The following COL21A1 variants were observed in gnomAD, a reference collection of about 807,000 sequenced individuals.
COL21A1 encodes the protein collagen alpha-1(XXI) chain.
A neutral mutation model predicts 137.9 loss-of-function variants in COL21A1; 149 were observed. That is an observed-to-expected ratio of 1.08 (90% CI 0.95 to 1.24). COL21A1 has a LOEUF of 1.24. COL21A1 is among the 50% of genes most tolerant of loss of function. COL21A1 has a pLI of 0.00. For synonymous variants in COL21A1, 456 were observed against 391.5 expected (o/e 1.16, Z -1.95); for missense variants, 1,167 against 1,158.4 (o/e 1.01, Z -0.11).
chr6:56,343,529 ATGAC>A, intron 1 of COL21A1, among the ~76,000 whole-genome samples: 2 of 152,340 alleles, frequency 1.3e-5, no homozygotes, highest in South Asian at 4.1e-4. Context: ...TGCTGGGTGA[ATGAC>A]TATCTGTTTT....
intron 16 of COL21A1, among the ~76,000 whole-genome samples, chr6:56,115,558 A>G (rs941503213): frequency 2.0e-5 from 3 of 152,134 alleles, no homozygotes; most frequent in Non-Finnish European, 2.9e-5. Context: ...GATGACTACA[A>G]ATAAGCCCAG....
At chr6:56,185,726 C>T (rs571006697) in intron 1 of COL21A1, among the ~76,000 whole-genome samples, 3 of 152,140 alleles carry the variant, frequency 2.0e-5, no homozygotes, top group African/African-American at 7.2e-5. Flanking sequence ...TGAGCCACCG[C>T]GCCCGGCCTG....
At chr6:56,185,023 T>C (rs1049857869) in intron 1 of COL21A1, among the ~76,000 whole-genome samples, 1 of 152,062 alleles carries the variant, frequency 6.6e-6, no homozygotes, top group Admixed American at 6.5e-5. Context: ...AGTTTTTAAA[T>C]ATTTCAAACT....
Position 56,183,828 on chromosome 6 carries a change from T to C in COL21A1, c.-38-1172A>G, listed in dbSNP as rs556467012. Among the ~76,000 whole-genome samples the C allele has an allele frequency of 3.9e-5, 6 of 152,200 alleles. No homozygotes were observed. In the South Asian group the frequency reaches 1.2e-3, roughly 32 times the overall value. On this transcript the variant is annotated intron_variant, in intron 1 of 29. Transcript: ENST00000244728. Reference sequence around the variant, plus strand: ...AAGATGGAAAACACGTACAAAGATGTGGGAAATTTCAGAAGGCAGATGAAA... The same window carrying C: ...AAGATGGAAAACACGTACAAAGATGCGGGAAATTTCAGAAGGCAGATGAAA...
intron 7 of COL21A1, among the ~76,000 whole-genome samples, chr6:56,165,927 C>T (rs1199952439): frequency 1.6e-4 from 25 of 152,010 alleles, no homozygotes; most frequent in South Asian, 2.1e-4. Context: ...CACACACACA[C>T]ACACACACAC....
At chr6:56,275,581 A>G (rs1445636710) in intron 1 of COL21A1, among the ~76,000 whole-genome samples, 1 of 152,220 alleles carries the variant, frequency 6.6e-6, no homozygotes, top group Non-Finnish European at 1.5e-5. Context: ...TCCAATGATG[A>G]AATTGTATAA....
chr6:56,360,059 C>A (rs1295759953), intron 1 of COL21A1, among the ~76,000 whole-genome samples: 3 of 152,112 alleles, frequency 2.0e-5, no homozygotes, highest in Admixed American at 6.6e-5. Flanking sequence ...GGTTTTGAAG[C>A]ACTGATTCTT....
chr6:56,204,797 T>A (rs1412322692), intron 1 of COL21A1, among the ~76,000 whole-genome samples: 1 of 152,166 alleles, frequency 6.6e-6, no homozygotes, highest in Non-Finnish European at 1.5e-5. Flanking sequence ...GGCAGCAATT[T>A]TTGCTGTTCT....
chr6:56,219,377 G>C (rs1780691035), intron 1 of COL21A1, among the ~76,000 whole-genome samples: 1 of 151,972 alleles, frequency 6.6e-6, no homozygotes. Flanking sequence ...TGCAATGCCT[G>C]CAGCCAGCAT....
chr6:56,091,344 G>A (rs957871197), intron 17 of COL21A1, among the ~76,000 whole-genome samples: 3 of 152,082 alleles, frequency 2.0e-5, no homozygotes, highest in African/African-American at 7.2e-5. Context: ...AATTTGAAAG[G>A]CATGAGGAAA....
intron 1 of COL21A1, among the ~76,000 whole-genome samples, chr6:56,266,809 T>C (rs1363415290): frequency 6.6e-6 from 1 of 152,232 alleles, no homozygotes; most frequent in Non-Finnish European, 1.5e-5. Context: ...AAAGAATGTA[T>C]TGAATGAAGA....
intron 12 of COL21A1, among the ~76,000 whole-genome samples, chr6:56,139,111 G>A (rs1055333652): frequency 1.3e-5 from 2 of 152,048 alleles, no homozygotes; most frequent in Non-Finnish European, 2.9e-5. Flanking sequence ...ATTTCTGTCT[G>A]ATTGTTTCAG....
intron 1 of COL21A1, among the ~76,000 whole-genome samples, chr6:56,384,624 T>C (rs921913865): frequency 2.6e-5 from 4 of 152,218 alleles, no homozygotes; most frequent in Admixed American, 2.6e-4. Context: ...TTTTCTTAAG[T>C]ATTCTGGCCC....
intron 1 of COL21A1, among the ~76,000 whole-genome samples, chr6:56,341,192 G>A (rs1419403493): frequency 1.4e-5 from 2 of 143,500 alleles, no homozygotes; most frequent in Admixed American, 8.0e-5. Flanking sequence ...AAAACTGAAT[G>A]AAAGAAAAGA....
chr6:56,240,471 T>C (rs1316087813), intron 1 of COL21A1, among the ~76,000 whole-genome samples: 2 of 152,208 alleles, frequency 1.3e-5, no homozygotes, highest in Non-Finnish European at 2.9e-5. Context: ...TATTTTGTTA[T>C]AGCAGCATAA....
intron 9 of COL21A1, among the ~76,000 whole-genome samples, chr6:56,162,831 G>C (rs79632295): frequency 0.024 from 3,645 of 152,260 alleles, 82 homozygotes; most frequent in East Asian, 0.056. Flanking sequence ...TCTCCCAGGA[G>C]AATTTTATAA....
intron 9 of COL21A1, among the ~76,000 whole-genome samples, chr6:56,163,439 G>T (rs186557148): frequency 8.1e-4 from 123 of 152,270 alleles, no homozygotes; most frequent in Middle Eastern, 6.8e-3. Flanking sequence ...TGCTGGGCGC[G>T]GTGGCTCACG....
intron 1 of COL21A1, among the ~76,000 whole-genome samples, chr6:56,372,784 A>C (rs2093991813): frequency 1.3e-5 from 2 of 152,114 alleles, no homozygotes; most frequent in African/African-American, 4.8e-5. Context: ...CAGTTCTCCC[A>C]TGATAGGGAA....
chr6:56,058,239 C>T (rs933824036), intron 29 of COL21A1, among the ~76,000 whole-genome samples: 4 of 151,940 alleles, frequency 2.6e-5, no homozygotes, highest in African/African-American at 9.7e-5. Context: ...ATTTTTGTGC[C>T]GTATTTGCAA....
Sources: allele counts gnomAD v4.1 joint callset (sites outside exome capture counted in the v4.1 genomes callset), GRCh38; gene constraint gnomAD v4.1.1; transcripts MANE v1.5; gene names NCBI Gene and HGNC (gene_info 2026-07-23, HGNC 2026-07-21).